Variants in KCNN2 observed in about 807,000 individuals in gnomAD.
The protein encoded by KCNN2 is small conductance calcium-activated potassium channel protein 2.
A neutral mutation model predicts 55.5 loss-of-function variants in KCNN2; 24 were observed. That is an observed-to-expected ratio of 0.43 (90% CI 0.31 to 0.61). The LOEUF is 0.61. KCNN2 is among the 20% of genes least tolerant of loss of function. The pLI is 0.08. For synonymous variants in KCNN2, 431 were observed against 336.1 expected (o/e 1.28, Z -3.09); for missense variants, 754 against 853.6 (o/e 0.88, Z 1.45).
At chr5:114,304,577 A>G (rs1756231341) in intron 2 of KCNN2, among the ~76,000 whole-genome samples, 1 of 152,214 alleles carries the variant, frequency 6.6e-6, no homozygotes. Flanking sequence ...AATGGCAAGT[A>G]GTTCTCTGCC....
chr5:114,286,774 G>T (rs1043728598), intron 2 of KCNN2, among the ~76,000 whole-genome samples: 3 of 152,136 alleles, frequency 2.0e-5, no homozygotes, highest in Non-Finnish European at 4.4e-5. Flanking sequence ...AGATAAAATT[G>T]CTTGGACAAA....
chr5:114,167,850 A>G (rs1174119900), intron 1 of KCNN2, among the ~76,000 whole-genome samples: 1 of 152,070 alleles, frequency 6.6e-6, no homozygotes, highest in Non-Finnish European at 1.5e-5. Flanking sequence ...TCAAGCAACC[A>G]CTGAACTTCT....
At chr5:114,197,480 T>G (rs1753581495) in intron 1 of KCNN2, among the ~76,000 whole-genome samples, 1 of 152,232 alleles carries the variant, frequency 6.6e-6, no homozygotes, top group South Asian at 2.1e-4. Context: ...TCAGTTTTGC[T>G]TCTTCTCACC....
chr5:114,213,194 A>G lies in KCNN2; in HGVS notation c.-270-8286A>G, dbSNP rs540214389. ...TGCTGTTCCAGTGGTTCTTTCCCTG[A>G]ACTCATATTTCATGATGTTGGGGCA... On this transcript the variant is annotated intron_variant, in intron 1 of 10. Transcript: ENST00000512097. Among the ~76,000 whole-genome samples, 4 of 152,164 alleles carry G rather than the reference A, an allele frequency of 2.6e-5. No homozygotes were observed. The East Asian group carries it at 7.7e-4, about 29-fold the overall frequency.
At chr5:114,220,003 A>G (rs902525591) in intron 1 of KCNN2, among the ~76,000 whole-genome samples, 12 of 152,206 alleles carry the variant, frequency 7.9e-5, no homozygotes, top group Admixed American at 2.6e-4. Context: ...TTAAGCAATC[A>G]TTAAAAAATT....
At chr5:114,069,212 C>G (rs184866592) in intron 1 of KCNN2, among the ~76,000 whole-genome samples, 2 of 152,126 alleles carry the variant, frequency 1.3e-5, no homozygotes, top group Non-Finnish European at 2.9e-5. Context: ...AGCAGCCAGC[C>G]CTGGCTTTGG....
intron 3 of KCNN2, among the ~76,000 whole-genome samples, chr5:114,416,143 G>A (rs138734075): frequency 5.3e-5 from 8 of 152,204 alleles, no homozygotes; most frequent in African/African-American, 1.4e-4. Context: ...CAGTTCTTGC[G>A]TTGCTTTGAT....
chr5:114,359,671 G>A (rs1404266907), upstream of KCNN2, among the ~76,000 whole-genome samples: 3 of 151,916 alleles, frequency 2.0e-5, no homozygotes, highest in Non-Finnish European at 4.4e-5. Flanking sequence ...ATTTATGAAC[G>A]GCTAATAAAA....
chr5:114,374,475 G>C (rs1757875673), intron 2 of KCNN2, among the ~76,000 whole-genome samples: 1 of 152,078 alleles, frequency 6.6e-6, no homozygotes, highest in Non-Finnish European at 1.5e-5. Context: ...TGAGAGTTTT[G>C]TTTTCTTTGC....
At chr5:114,482,935 T>G (rs923517784) in intron 5 of KCNN2, among the ~76,000 whole-genome samples, 3 of 152,004 alleles carry the variant, frequency 2.0e-5, no homozygotes, top group Non-Finnish European at 4.4e-5. Context: ...GACGCTGGGT[T>G]TAATAGCTGG....
Position 114,123,397 on chromosome 5 carries a change from C to G in KCNN2, c.-271+66897C>G, listed in dbSNP as rs1200476463. Among the ~76,000 whole-genome samples, 3 of 48,646 alleles carry G rather than the reference C, an allele frequency of 6.2e-5. 1 individual carries two copies. The highest frequency in any genetic ancestry group is 4.5e-4 in the Admixed American group (2 of 4,478). The allele number at this position is 48,646 out of a possible 152,430, so 31.9% of individuals were successfully genotyped here. On this transcript the variant is annotated intron_variant, in intron 1 of 10. Transcript: ENST00000512097. ...TTTTTTTTTGAGACAGAGTCTCGCTCTGTTGCCCAGGCTGGAGTGCAGTGG... is the reference window on the plus strand; with the variant it reads ...TTTTTTTTTGAGACAGAGTCTCGCTGTGTTGCCCAGGCTGGAGTGCAGTGG...
At chr5:114,074,181 CTA>C (rs1435949607) in intron 1 of KCNN2, among the ~76,000 whole-genome samples, 1 of 152,144 alleles carries the variant, frequency 6.6e-6, no homozygotes, top group African/African-American at 2.4e-5. Context: ...CTCTGGGCAT[CTA>C]TGTTGATGGG....
chr5:114,114,240 T>C (rs1254797350), intron 1 of KCNN2, among the ~76,000 whole-genome samples: 2 of 151,980 alleles, frequency 1.3e-5, no homozygotes, highest in Admixed American at 6.6e-5. Flanking sequence ...CATCAAAACA[T>C]TTTTTTAGAG....
intron 3 of KCNN2, among the ~76,000 whole-genome samples, chr5:114,450,396 T>C (rs1040687935): frequency 1.3e-5 from 2 of 152,186 alleles, no homozygotes; most frequent in African/African-American, 4.8e-5. Context: ...CAGCAGGAGC[T>C]GAATGAATAG....
chr5:114,123,659 G>A lies in KCNN2; in HGVS notation c.-271+67159G>A, dbSNP rs979427205. On this transcript the variant is annotated intron_variant, in intron 1 of 10. Transcript: ENST00000512097. The stretch of plus-strand genomic sequence containing the variant: ...ATTACAGGCGTGAGCCACCGCGCCC[G>A]GCCTCATTTTCTTAATTTTTTTGTC... 1.1e-4 allele frequency among the ~76,000 whole-genome samples: 7 copies of A among 63,550 alleles called. 2 individuals carry two copies. Among genetic ancestry groups the A allele is most frequent in the African/African-American group, 4.1e-4 (4 of 9,764 alleles). 41.7% of individuals were successfully genotyped at this position (63,550 alleles called of 152,430 possible).
In KCNN2 at chr5:114,131,431, C is replaced by T. The variant is rs943906183; in HGVS notation, c.-271+74931C>T. 2.0e-5 allele frequency among the ~76,000 whole-genome samples: 3 copies of T among 152,272 alleles called. No homozygotes were observed. In the South Asian group the frequency reaches 6.2e-4, roughly 32 times the overall value. On this transcript the variant is annotated intron_variant, in intron 1 of 10. Transcript: ENST00000512097. ...TGCTGAGGATAATGACTTCCAGCTC[C>T]TTCCATGTCTCTGCAAAGTACATAA...
At chr5:114,465,486 C>T (rs1761401975) in intron 4 of KCNN2, among the ~76,000 whole-genome samples, 1 of 152,064 alleles carries the variant, frequency 6.6e-6, no homozygotes, top group Admixed American at 6.6e-5. Flanking sequence ...GTGGCACATG[C>T]CTATAATCCC....
intron 2 of KCNN2, among the ~76,000 whole-genome samples, chr5:114,381,564 T>G (rs146685427): frequency 6.6e-6 from 1 of 152,360 alleles, no homozygotes; most frequent in South Asian, 2.1e-4. Flanking sequence ...TGGGCCCGCT[T>G]GTGTCCCTCC....
Position 114,404,633 on chromosome 5 carries a change from A to C in KCNN2, c.1414A>C (p.Ile472Leu). 6.2e-7 allele frequency: 1 copy of C among 1,613,942 alleles called. No individual in the cohort carries two copies. Among genetic ancestry groups the C allele is most frequent in the Non-Finnish European group, 8.5e-7 (1 of 1,179,920 alleles). ...CGCTGATGTGGATATTATTTTATCT[A>C]TACCAATGTTCTTAAGACTCTATCT... ...TTADVDIILS[I>L]PMFLRLYLIA... The change falls in exon 3 of 8, where the codon ATA becomes CTA. Residue 472 changes from isoleucine (I) to leucine (L), a missense_variant. Physicochemically the swap from Ile to Leu is conservative, Grantham distance 5. Coordinates refer to ENST00000673685, the MANE Select transcript of KCNN2 (RefSeq NM_021614.4).
Sources: gnomAD v4.1 joint callset for allele counts (sites outside exome capture counted in the v4.1 genomes callset) on GRCh38, gnomAD v4.1.1 for gene constraint, MANE v1.5 for transcripts, NCBI Gene and HGNC (gene_info 2026-07-23, HGNC 2026-07-21) for gene names.